Variants in ZBBX observed in about 807,000 individuals in gnomAD.
ZBBX encodes zinc finger B-box domain containing.
In ZBBX, 101 loss-of-function variants were observed where a neutral mutation model predicts 108.5. The ratio of observed to expected loss-of-function variants is 0.93; its 90% CI spans 0.79 to 1.10. The LOEUF (loss-of-function observed/expected upper bound fraction) is 1.10, where lower values mean the gene tolerates loss of function less well. Ranked by LOEUF, ZBBX falls within the 50% of genes least tolerant of loss-of-function variation. ZBBX has a pLI of 0.00. For synonymous variants in ZBBX, 356 were observed against 323.4 expected (o/e 1.10, Z -1.08); for missense variants, 1,009 against 941.4 (o/e 1.07, Z -0.94).
intron 20 of ZBBX, among the ~76,000 whole-genome samples, chr3:167,281,125 G>A (rs1728738419): frequency 6.6e-6 from 1 of 152,138 alleles, no homozygotes; most frequent in Non-Finnish European, 1.5e-5. Flanking sequence ...TAGGGGGAGC[G>A]ATAGCATTGG....
At chr3:167,184,531 T>C in the ZBBX span, among the ~76,000 whole-genome samples, 1 of 152,100 alleles carries the variant, frequency 6.6e-6, no homozygotes, top group Non-Finnish European at 1.5e-5. Flanking sequence ...TGAAAACTTA[T>C]TTTCACATAA....
At chr3:167,375,423 C>T (rs1255320254) in intron 2 of ZBBX, among the ~76,000 whole-genome samples, 8 of 151,998 alleles carry the variant, frequency 5.3e-5, no homozygotes, top group Non-Finnish European at 8.8e-5. Context: ...GAAACCCCAT[C>T]TCTACTAAAA....
chr3:167,203,810 A>G, the ZBBX span, among the ~76,000 whole-genome samples: 2 of 152,164 alleles, frequency 1.3e-5, no homozygotes, highest in East Asian at 3.8e-4. Context: ...GAAATGTAAT[A>G]TTGGCAAGAG....
Position 167,330,871 on chromosome 3 carries a change from G to GAGAAGAAGAAGAAGAAGAAGA in ZBBX, c.688-2776_688-2756dup, listed in dbSNP as rs1303832807. Among the ~76,000 whole-genome samples, 71 of 43,942 alleles carry GAGAAGAAGAAGAAGAAGAAGA rather than the reference G, an allele frequency of 1.6e-3. 2 individuals carry two copies. Among genetic ancestry groups the GAGAAGAAGAAGAAGAAGAAGA allele is most frequent in the Non-Finnish European group, 1.8e-3 (41 of 22,198 alleles). The allele number at this position is 43,942 out of a possible 152,430, so 28.8% of individuals were successfully genotyped here. A position where few individuals can be genotyped will look rare whatever the true frequency, so the allele number is the denominator to read the frequency against. On this transcript the variant is annotated intron_variant, in intron 10 of 21. Transcript: ENST00000675490. ...GGAGGAGGAGGAGGAGGAGGAGGAG[G>GAGAAGAAGAAGAAGAAGAAGA]AGAAGAAGAAGAAGAAGAAGAAGAA...
At chr3:167,353,419 T>C (rs2108508679) in intron 8 of ZBBX, among the ~76,000 whole-genome samples, 1 of 152,192 alleles carries the variant, frequency 6.6e-6, no homozygotes, top group African/African-American at 2.4e-5. Flanking sequence ...ATGTATTACT[T>C]GTAAGTGGGA....
chr3:167,229,900 T>A, the ZBBX span, among the ~76,000 whole-genome samples: 1 of 151,682 alleles, frequency 6.6e-6, no homozygotes, highest in African/African-American at 2.4e-5. Flanking sequence ...AGAAATTTTA[T>A]GAAGAAAACC....
intron 20 of ZBBX, among the ~76,000 whole-genome samples, chr3:167,274,249 T>C (rs1329444189): frequency 1.3e-5 from 2 of 152,198 alleles, no homozygotes; most frequent in African/African-American, 2.4e-5. Flanking sequence ...GATGATTTGG[T>C]AAATGGAAAG....
At chr3:167,386,126 G>GAAGA (rs752586755) in intron 1 of ZBBX, among the ~76,000 whole-genome samples, 10 of 151,872 alleles carry the variant, frequency 6.6e-5, no homozygotes, top group Non-Finnish European at 4.4e-5. Context: ...CATTTGGACA[G>GAAGA]AAGAAAGAAA....
chr3:167,285,726 A>T (rs1169171780), intron 19 of ZBBX, among the ~76,000 whole-genome samples: 3 of 152,140 alleles, frequency 2.0e-5, no homozygotes, highest in African/African-American at 7.2e-5. Context: ...ATCACCCTCT[A>T]AAACTGCCAG....
chr3:167,306,967 T>A (rs186915869), intron 16 of ZBBX, among the ~76,000 whole-genome samples: 1 of 152,134 alleles, frequency 6.6e-6, no homozygotes, highest in South Asian at 2.1e-4. Flanking sequence ...TTTATATAAC[T>A]CACCAATTTC....
chr3:167,253,414 A>G (rs1722952273), intron 20 of ZBBX, among the ~76,000 whole-genome samples: 1 of 152,238 alleles, frequency 6.6e-6, no homozygotes, highest in Non-Finnish European at 1.5e-5. Flanking sequence ...GAAAAATCTT[A>G]ACAGAGACAA....
intron 20 of ZBBX, among the ~76,000 whole-genome samples, chr3:167,268,478 C>G (rs1725960620): frequency 6.6e-6 from 1 of 151,896 alleles, no homozygotes; most frequent in South Asian, 2.1e-4. Context: ...GGAAAATATA[C>G]AAGACCTAAG....
intron 18 of ZBBX, among the ~76,000 whole-genome samples, chr3:167,290,160 A>T (rs1365407094): frequency 6.6e-6 from 1 of 152,082 alleles, no homozygotes; most frequent in African/African-American, 2.4e-5. Flanking sequence ...AGACTTAAAC[A>T]TCCCTGCCTG....
rs751236874 is a variant in ZBBX, at chr3:167,240,770, A to G, written c.*23T>C. On this transcript the variant is annotated 3_prime_UTR_variant, in exon 22 of 22. Transcript: ENST00000675490. ...TTGCTTTACTCTGGGTACAAAATGG[A>G]AACAGTAATGAACAAATAATCTTTA... The G allele has an allele frequency of 1.0e-5, 16 of 1,607,610 alleles. No homozygotes were observed. Among genetic ancestry groups the G allele is most frequent in the African/African-American group, 2.7e-5 (2 of 74,670 alleles).
intron 18 of ZBBX, among the ~76,000 whole-genome samples, chr3:167,297,116 C>G (rs1731817912): frequency 6.6e-6 from 1 of 151,928 alleles, no homozygotes; most frequent in African/African-American, 2.4e-5. Flanking sequence ...AAAAAGTATC[C>G]TTATGGTATA....
At position 167,240,787 on chromosome 3, in the gene ZBBX, T is replaced by C; in HGVS notation, c.*6A>G. On this transcript the variant is annotated 3_prime_UTR_variant, in exon 22 of 22. Transcript: ENST00000675490. ...CAAAATGGAAACAGTAATGAACAAA[T>C]AATCTTTAAGTACTCTTTGACCACG... 1.2e-6 allele frequency: 2 copies of C among 1,611,360 alleles called. No homozygotes were observed. Among genetic ancestry groups the C allele is most frequent in the South Asian group, 2.2e-5 (2 of 90,736 alleles).
At chr3:167,271,679 G>T (rs1436190374) in intron 20 of ZBBX, among the ~76,000 whole-genome samples, 1 of 152,064 alleles carries the variant, frequency 6.6e-6, no homozygotes, top group East Asian at 1.9e-4. Flanking sequence ...ATGGACAGTT[G>T]CTTAATATGT....
chr3:167,241,027 A>C, intron 21 of ZBBX, 108 bp from the exon 22 acceptor site: 1 of 1,300,602 alleles, frequency 7.7e-7, no homozygotes, highest in Non-Finnish European at 1.1e-6. Context: ...AGGCAAGCAG[A>C]TGTGAGGGAG....
chr3:167,234,168 G>A, the ZBBX span, among the ~76,000 whole-genome samples: 1 of 151,906 alleles, frequency 6.6e-6, no homozygotes, highest in Non-Finnish European at 1.5e-5. Context: ...CTTTATCTCT[G>A]AGACCATCTG....
Sources: gnomAD v4.1 joint callset for allele counts (sites outside exome capture counted in the v4.1 genomes callset) on GRCh38, gnomAD v4.1.1 for gene constraint, MANE v1.5 for transcripts, NCBI Gene and HGNC (gene_info 2026-07-23, HGNC 2026-07-21) for gene names.